The following TMTC4 variants were observed in gnomAD, a reference collection of about 807,000 sequenced individuals.
The protein encoded by TMTC4 is protein O-mannosyl-transferase TMTC4.
TMTC4 carries 65 observed loss-of-function variants against 86.0 expected under a neutral mutation model. The observed-to-expected ratio is 0.76, with a 90% CI of 0.62 to 0.93. TMTC4 has a LOEUF of 0.93. Among genes scored for constraint, TMTC4 ranks in the 40% least tolerant of loss-of-function variants. The pLI, the probability that TMTC4 is intolerant of heterozygous loss-of-function variation, is 0.00. For synonymous variants in TMTC4, 379 were observed against 382.5 expected (o/e 0.99, Z 0.11); for missense variants, 866 against 948.1 (o/e 0.91, Z 1.14).
At chr13:100,627,911 G>A (rs1368359870) in intron 12 of TMTC4, among the ~76,000 whole-genome samples, 1 of 152,190 alleles carries the variant, frequency 6.6e-6, no homozygotes, top group Non-Finnish European at 1.5e-5. Context: ...AGTCCTAGGA[G>A]AGAGGTCAGC....
chr13:100,621,803 G>A lies in TMTC4; in HGVS notation c.1836+3732C>T, dbSNP rs971464444. Among the ~76,000 whole-genome samples the A allele has an allele frequency of 1.2e-4, 18 of 152,102 alleles. 1 individual carries two copies. Among genetic ancestry groups the A allele is most frequent in the Admixed American group, 1.0e-3 (16 of 15,268 alleles). The stretch of plus-strand genomic sequence containing the variant: ...TTTAACAGATACAGTGAACAGAAAC[G>A]GTAATCCCTACACCCATATATTCAT... On this transcript the variant is annotated intron_variant, in intron 15 of 18. Coordinates refer to ENST00000342624, the MANE Select transcript of TMTC4 (RefSeq NM_032813.5).
chr13:100,626,358 G>C (rs1880541275), intron 12 of TMTC4, among the ~76,000 whole-genome samples: 1 of 152,190 alleles, frequency 6.6e-6, no homozygotes, highest in South Asian at 2.1e-4. Context: ...AGGGGGTATA[G>C]GCATGATACA....
chr13:100,620,016 T>C (rs1879235779), intron 15 of TMTC4, among the ~76,000 whole-genome samples: 1 of 152,240 alleles, frequency 6.6e-6, no homozygotes. Context: ...TTTAGTTTCA[T>C]TTTGTCTCAA....
chr13:100,660,169 A>G (rs1885590116), intron 5 of TMTC4, among the ~76,000 whole-genome samples: 1 of 151,340 alleles, frequency 6.6e-6, no homozygotes, highest in African/African-American at 2.4e-5. Flanking sequence ...CATCTCTACT[A>G]AAAATACAAA....
chr13:100,646,310 A>G (rs1269950709), intron 6 of TMTC4, among the ~76,000 whole-genome samples: 1 of 152,330 alleles, frequency 6.6e-6, no homozygotes, highest in African/African-American at 2.4e-5. Flanking sequence ...AGGGCAGTAT[A>G]TGTTCAGTGA....
chr13:100,670,615 T>G, intron 1 of TMTC4, 46 bp from the exon 2 acceptor site: 1 of 440,016 alleles, frequency 2.3e-6, no homozygotes, highest in South Asian at 5.5e-5. Flanking sequence ...ACCTCTATGC[T>G]TACATTTCAG....
At chr13:100,664,737 C>T (rs1373754158) in intron 3 of TMTC4, among the ~76,000 whole-genome samples, 1 of 152,206 alleles carries the variant, frequency 6.6e-6, no homozygotes, top group African/African-American at 2.4e-5. Context: ...CTCTGCCCTT[C>T]CTGAGCTGAT....
At chr13:100,632,015 CCACACACACACACACACACA>C (rs60522457) in intron 12 of TMTC4, among the ~76,000 whole-genome samples, 2 of 99,358 alleles carry the variant, frequency 2.0e-5, no homozygotes, top group East Asian at 2.8e-4. Context: ...TAAGAGGAAA[CCACACACACACACACACACA>C]CACACACACA....
Position 100,635,059 on chromosome 13 carries a change from C to T in TMTC4, c.1339G>A (p.Gly447Arg). 6.2e-7 allele frequency: 1 copy of T among 1,613,114 alleles called. No homozygotes were observed. Among genetic ancestry groups the T allele is most frequent in the Non-Finnish European group, 8.5e-7 (1 of 1,179,642 alleles). The change falls in exon 11 of 19, where the codon GGA (glycine) becomes AGA (arginine). Residue 447 changes from glycine to arginine, a missense_variant. By Grantham distance (125) the Gly-to-Arg change is moderately radical. Transcript: ENST00000342624. ...GTATGTTTGCTCAGGGCTCCGAATC[C>T]AAAAGTCAGCAGCACACAGTACCCA... ...SVGYCVLLTFGFGALSKHTKK... is the reference protein window; with the variant it reads ...SVGYCVLLTFRFGALSKHTKK...
In TMTC4 at chr13:100,674,364, C is replaced by A. The variant is rs1481582271; in HGVS notation, c.-208+380G>T. 7 of 974,852 alleles carry A rather than the reference C, an allele frequency of 7.2e-6. No homozygotes were observed. In the East Asian group the frequency reaches 7.0e-4, roughly 97 times the overall value. The allele number at this position is 974,852 out of a possible 1,614,324, so 60.4% of individuals were successfully genotyped here. On this transcript the variant is annotated intron_variant, in intron 1 of 18. Coordinates refer to ENST00000342624, the MANE Select transcript of TMTC4 (RefSeq NM_032813.5). Reference sequence around the variant, plus strand: ...GCGCGGGGCCCCGCGGCCAGATGGCCGCTCCGGGGACGCGCCGCAGGCGCC... The same window carrying A: ...GCGCGGGGCCCCGCGGCCAGATGGCAGCTCCGGGGACGCGCCGCAGGCGCC...
At chr13:100,614,730 G>C (rs1594237410) in intron 15 of TMTC4, among the ~76,000 whole-genome samples, 1 of 152,108 alleles carries the variant, frequency 6.6e-6, no homozygotes, top group East Asian at 1.9e-4. Context: ...TAAGAACAAG[G>C]TCCGAACCTG....
intron 15 of TMTC4, 144 bp from the exon 16 acceptor site, chr13:100,614,574 C>G: frequency 1.6e-6 from 1 of 620,290 alleles, no homozygotes; most frequent in Non-Finnish European, 2.7e-6. Flanking sequence ...TATGGAGCTT[C>G]TAGTTTTTCA....
intron 6 of TMTC4, among the ~76,000 whole-genome samples, chr13:100,649,671 T>C (rs1477621953): frequency 6.6e-6 from 1 of 152,104 alleles, no homozygotes; most frequent in East Asian, 1.9e-4. Flanking sequence ...TGTGGACAAA[T>C]ACTGCCAGAA....
At chr13:100,635,644 GT>G (rs1882115350) in intron 10 of TMTC4, 1 of 153,184 alleles carries the variant, frequency 6.5e-6, no homozygotes, top group African/African-American at 2.4e-5. Flanking sequence ...ACTTAAGTAA[GT>G]TTAAAGTTTA....
intron 6 of TMTC4, among the ~76,000 whole-genome samples, chr13:100,647,047 G>A (rs1883846354): frequency 6.6e-6 from 1 of 152,184 alleles, no homozygotes; most frequent in South Asian, 2.1e-4. Flanking sequence ...CAGCTTACAA[G>A]TCCATGCCAG....
chr13:100,628,134 G>A (rs889945742), intron 12 of TMTC4, among the ~76,000 whole-genome samples: 8 of 152,146 alleles, frequency 5.3e-5, no homozygotes, highest in Non-Finnish European at 1.0e-4. Flanking sequence ...ATAGGCTGAC[G>A]TGGAAGTCCA....
intron 6 of TMTC4, among the ~76,000 whole-genome samples, chr13:100,645,261 C>T (rs774345773): frequency 3.1e-4 from 47 of 152,214 alleles, no homozygotes; most frequent in Non-Finnish European, 7.3e-5. Context: ...AGGCCCACCA[C>T]CACTGCCCAC....
intron 17 of TMTC4, among the ~76,000 whole-genome samples, chr13:100,607,932 G>A (rs1876922045): frequency 6.6e-6 from 1 of 152,158 alleles, no homozygotes; most frequent in African/African-American, 2.4e-5. Flanking sequence ...GCCATATCAG[G>A]AAGGCTGCAG....
chr13:100,645,145 C>T (rs1057292085), intron 6 of TMTC4, among the ~76,000 whole-genome samples: 3 of 152,150 alleles, frequency 2.0e-5, no homozygotes, highest in African/African-American at 4.8e-5. Context: ...CTAATTATCT[C>T]TTTTGCCTTC....
Sources: allele counts gnomAD v4.1 joint callset (sites outside exome capture counted in the v4.1 genomes callset), GRCh38; gene constraint gnomAD v4.1.1; transcripts MANE v1.5; gene names NCBI Gene and HGNC (gene_info 2026-07-23, HGNC 2026-07-21).